The following TSPO variants were observed in gnomAD, a reference collection of about 807,000 sequenced individuals.
The protein encoded by TSPO is benzodiazepine peripheral binding site.
A neutral mutation model predicts 13.9 loss-of-function variants in TSPO; 14 were observed. The observed-to-expected ratio is 1.01, with a 90% CI of 0.67 to 1.58. TSPO has a LOEUF of 1.58. Among genes scored for constraint, TSPO ranks in the 40% most tolerant of loss-of-function variants. The pLI is 0.00. For missense variants in TSPO, 232 were observed against 229.6 expected (o/e 1.01, Z -0.07); for synonymous variants, 114 against 105.9 (o/e 1.08, Z -0.47).
Position 43,162,863 on chromosome 22 carries a change from C to A in TSPO, c.382C>A (p.Gln128Lys). 6.3e-7 allele frequency: 1 copy of A among 1,582,112 alleles called. No homozygotes were observed. The highest frequency in any genetic ancestry group is 8.6e-7 in the Non-Finnish European group (1 of 1,165,266). Residue 128 changes from glutamine (Q) to lysine (K), a missense_variant, in exon 4 of 4, where the codon CAG (glutamine) becomes AAG (lysine). By Grantham distance (53) the Gln-to-Lys change is moderately conservative (BLOSUM62 1). Transcript: ENST00000337554. ...GGCAGCCACTACCGTGGCCTGGTAC[C>A]AGGTGAGCCCGCTGGCCGCCCGCCT... ...AAAATTVAWY[Q>K]VSPLAARLLY...
In TSPO at chr22:43,161,108, T is replaced by C; in HGVS notation, c.239T>C (p.Val80Ala). ...ELGGFTEKAV[V>A]PLGLYTGQLA... ...GGAGGCTTCACAGAGAAGGCTGTGG[T>C]TCCCCTGGGCCTCTACACTGGGCAG... The change falls in exon 3 of 4, where the codon GTT becomes GCT. Residue 80 changes from valine to alanine, a missense_variant. Transcript: ENST00000337554. 6.2e-7 allele frequency: 1 copy of C among 1,614,170 alleles called. No homozygotes were observed. The highest frequency in any genetic ancestry group is 8.5e-7 in the Non-Finnish European group (1 of 1,180,002).
chr22:43,162,856 C>T lies in TSPO; in HGVS notation c.375C>T (p.Ala125=), dbSNP rs747530187. The change falls in exon 4 of 4, where the codon GCC becomes GCT. Residue 125 remains alanine, a synonymous_variant. Coordinates refer to ENST00000337554, the MANE Select transcript of TSPO (RefSeq NM_000714.6). Reference sequence around the variant, plus strand: ...GGGCGGCGGCAGCCACTACCGTGGCCTGGTACCAGGTGAGCCCGCTGGCCG... The same window carrying T: ...GGGCGGCGGCAGCCACTACCGTGGCTTGGTACCAGGTGAGCCCGCTGGCCG... ...VSGAAAATTV[A]WYQVSPLAAR... is the part of the protein sequence containing the mutation. The T allele has an allele frequency of 6.3e-7, 1 of 1,584,942 alleles. No homozygotes were observed. Among genetic ancestry groups the T allele is most frequent in the Non-Finnish European group, 8.6e-7 (1 of 1,166,724 alleles).
chr22:43,152,551 G>C (rs1025157737), intron 1 of TSPO, among the ~76,000 whole-genome samples: 10 of 152,274 alleles, frequency 6.6e-5, no homozygotes, highest in Non-Finnish European at 1.2e-4. Flanking sequence ...GGTGGGGCCC[G>C]GGACAGGGCA....
At chr22:43,157,289 G>A (rs925655195) in intron 1 of TSPO, among the ~76,000 whole-genome samples, 5 of 135,936 alleles carry the variant, frequency 3.7e-5, no homozygotes, top group African/African-American at 7.4e-5. Context: ...GCAGGAGGGC[G>A]GGGCGGGGCA....
chr22:43,155,945 A>G (rs1490461076), intron 1 of TSPO, among the ~76,000 whole-genome samples: 2 of 152,058 alleles, frequency 1.3e-5, no homozygotes, highest in African/African-American at 2.4e-5. Flanking sequence ...CATGGTGGGT[A>G]CCGCCCCTGC....
In TSPO at chr22:43,162,814, T is replaced by A; in HGVS notation, c.333T>A (p.Asp111Glu). Residue 111 changes from aspartate to glutamate, a missense_variant, in exon 4 of 4, where the codon GAT becomes GAA. Physicochemically the swap from Asp to Glu is conservative, Grantham distance 45 (BLOSUM62 2). Transcript: ENST00000337554. ...CCCAATCTCTGCAGGCCTTGGTGGA[T>A]CTCCTGCTGGTCAGTGGGGCGGCGG... ...GARQMGWALVDLLLVSGAAAA... is the reference protein window; with the variant it reads ...GARQMGWALVELLLVSGAAAA... 1 of 1,584,858 alleles carries A rather than the reference T, an allele frequency of 6.3e-7. No individual in the cohort carries two copies. Among genetic ancestry groups the A allele is most frequent in the Non-Finnish European group, 8.6e-7 (1 of 1,166,814 alleles).
At chr22:43,161,267 G>A (rs1306286844) in intron 3 of TSPO, 77 bp downstream of exon 3, 2 of 1,544,926 alleles carry the variant, frequency 1.3e-6, no homozygotes, top group East Asian at 4.5e-5. Flanking sequence ...ATATGACACT[G>A]GGTCAGTGTC....
rs12185872 is a variant in TSPO at position 43,153,594 on chromosome 22, A to G, written c.-30+1990A>G. Among the ~76,000 whole-genome samples the G allele has an allele frequency of 7.3e-5, 2 of 27,260 alleles. 1 individual carries two copies. The allele number at this position is 27,260 out of a possible 152,430, so 17.9% of individuals were successfully genotyped here. A position where few individuals can be genotyped will look rare whatever the true frequency, so the allele number is the denominator to read the frequency against. ...TCTCGATCTCCTGACCTCATGATCC[A>G]CCCGCCTCGGCCTCCCAAAGTGCTG... is the stretch of plus-strand genomic sequence containing the variant. On this transcript the variant is annotated intron_variant, in intron 1 of 3. Transcript: ENST00000337554.
chr22:43,160,457 T>C (rs1268844748), intron 2 of TSPO, among the ~76,000 whole-genome samples: 5 of 152,330 alleles, frequency 3.3e-5, no homozygotes, highest in South Asian at 2.1e-4. Flanking sequence ...CCTTATGGCA[T>C]CATCATGAGA....
chr22:43,161,317 T>C (rs1294955950), intron 3 of TSPO, 127 bp downstream of exon 3: 5 of 1,358,480 alleles, frequency 3.7e-6, no homozygotes, highest in African/African-American at 1.5e-5. Flanking sequence ...CATGTCTCTC[T>C]AGCTGTAAGC....
At position 43,163,169 on chromosome 22, in the gene TSPO, G is replaced by A. The variant is rs1013675524; in HGVS notation, c.*178G>A. The A allele has an allele frequency of 4.2e-6, 6 of 1,437,716 alleles. No homozygotes were observed. The African/African-American group carries it at 8.6e-5, about 21-fold the overall frequency. 89.1% of individuals were successfully genotyped at this position (1,437,716 alleles called of 1,614,324 possible). On this transcript the variant is annotated 3_prime_UTR_variant, in exon 4 of 4. Transcript: ENST00000337554. ...CCCCCACCCGGGAGCAGTGTCCTGT[G>A]CTTTCTGCATGCTTAGAGCATGTTC... is the stretch of plus-strand genomic sequence containing the variant.
At chr22:43,152,961 G>A (rs1473542882) in intron 1 of TSPO, among the ~76,000 whole-genome samples, 2 of 111,910 alleles carry the variant, frequency 1.8e-5, no homozygotes, top group African/African-American at 4.0e-5. Flanking sequence ...GCTTGGGCTC[G>A]CAGGGAGGGA....
At chr22:43,162,646 G>C (rs987548088) in intron 3 of TSPO, among the ~76,000 whole-genome samples, 157 bp from the exon 4 acceptor site, 1 of 152,340 alleles carries the variant, frequency 6.6e-6, no homozygotes, top group East Asian at 1.9e-4. Context: ...AACTGAGGCT[G>C]CGATGGGGGA....
At chr22:43,155,583 C>G (rs1190488313) in intron 1 of TSPO, among the ~76,000 whole-genome samples, 4 of 152,186 alleles carry the variant, frequency 2.6e-5, no homozygotes, top group Admixed American at 2.6e-4. Flanking sequence ...CACACTGATA[C>G]CCACAACCCC....
intron 2 of TSPO, among the ~76,000 whole-genome samples, chr22:43,160,263 C>T (rs1931393303): frequency 6.6e-6 from 1 of 152,186 alleles, no homozygotes; most frequent in Admixed American, 6.5e-5. Context: ...CAGTCCCAGC[C>T]TCTCTTCGGG....
At chr22:43,156,006 C>T (rs1301922544) in intron 1 of TSPO, among the ~76,000 whole-genome samples, 1 of 152,206 alleles carries the variant, frequency 6.6e-6, no homozygotes, top group Non-Finnish European at 1.5e-5. Flanking sequence ...TCCCCAGAGG[C>T]CCTAGGAAAC....
At chr22:43,155,798 G>A (rs905978456) in intron 1 of TSPO, among the ~76,000 whole-genome samples, 3 of 152,202 alleles carry the variant, frequency 2.0e-5, no homozygotes, top group African/African-American at 4.8e-5. Flanking sequence ...GGGTGTATAG[G>A]TGGCTTCACC....
chr22:43,153,225 C>G (rs1459745907), intron 1 of TSPO, among the ~76,000 whole-genome samples: 2 of 151,694 alleles, frequency 1.3e-5, no homozygotes, highest in African/African-American at 4.8e-5. Flanking sequence ...GCAATCATAG[C>G]TCACTGCAGT....
At chr22:43,162,521 C>T (rs1017045334) in intron 3 of TSPO, among the ~76,000 whole-genome samples, 3 of 152,174 alleles carry the variant, frequency 2.0e-5, no homozygotes, top group Non-Finnish European at 4.4e-5. Flanking sequence ...CGTGCAAGAC[C>T]TCCTAAGCCA....
Sources: gnomAD v4.1 joint callset for allele counts (sites outside exome capture counted in the v4.1 genomes callset) on GRCh38, gnomAD v4.1.1 for gene constraint, MANE v1.5 for transcripts, NCBI Gene and HGNC (gene_info 2026-07-23, HGNC 2026-07-21) for gene names.